Variants in CDH4 observed in about 807,000 individuals in gnomAD.
The protein encoded by CDH4 is cadherin-4.
Under a neutral mutation model 86.0 loss-of-function variants are expected in CDH4, and 33 were observed. The ratio of observed to expected loss-of-function variants is 0.38; its 90% CI spans 0.29 to 0.51. The LOEUF is 0.51. CDH4 is among the 20% of genes least tolerant of loss of function. The pLI is 0.86. For missense variants in CDH4, 1,114 were observed against 1,307.4 expected (o/e 0.85, Z 2.28); for synonymous variants, 555 against 549.4 (o/e 1.01, Z -0.14).
intron 2 of CDH4, among the ~76,000 whole-genome samples, chr20:61,550,296 C>T (rs2086120069): frequency 7.1e-6 from 1 of 141,368 alleles, no homozygotes; most frequent in Admixed American, 6.8e-5. Context: ...GCCTCCCTGC[C>T]CCAACCTCAC....
intron 2 of CDH4, among the ~76,000 whole-genome samples, chr20:61,408,861 C>A (rs542414137): frequency 1.3e-5 from 2 of 152,316 alleles, no homozygotes; most frequent in African/African-American, 4.8e-5. Flanking sequence ...CCCAGGCCCT[C>A]AGTGGTCTCC....
At chr20:61,498,247 A>T (rs1312047726) in intron 2 of CDH4, among the ~76,000 whole-genome samples, 1 of 152,118 alleles carries the variant, frequency 6.6e-6, no homozygotes, top group Non-Finnish European at 1.5e-5. Flanking sequence ...ACCAGATCGG[A>T]TGGGCAAATA....
intron 2 of CDH4, among the ~76,000 whole-genome samples, chr20:61,650,441 A>G (rs1600839603): frequency 6.6e-6 from 1 of 152,252 alleles, no homozygotes; most frequent in South Asian, 2.1e-4. Flanking sequence ...GTTCATATGC[A>G]TAAGATATAT....
At chr20:61,666,199 G>C (rs1321168517) in intron 2 of CDH4, among the ~76,000 whole-genome samples, 1 of 152,220 alleles carries the variant, frequency 6.6e-6, no homozygotes, top group African/African-American at 2.4e-5. Context: ...CTGCCAAAAA[G>C]TGGGGTGGCT....
chr20:61,290,952 G>A (rs1762644307), intron 2 of CDH4, among the ~76,000 whole-genome samples: 1 of 152,150 alleles, frequency 6.6e-6, no homozygotes, highest in South Asian at 2.1e-4. Flanking sequence ...TCCATCTCTT[G>A]GCTTGGCCTT....
intron 2 of CDH4, among the ~76,000 whole-genome samples, chr20:61,429,001 AT>A (rs1042857375): frequency 6.6e-6 from 1 of 152,132 alleles, no homozygotes; most frequent in Non-Finnish European, 1.5e-5. Context: ...ATCTAACTAT[AT>A]TGTATTAGTC....
intron 4 of CDH4, among the ~76,000 whole-genome samples, chr20:61,840,837 G>A (rs1459020655): frequency 6.6e-6 from 1 of 152,258 alleles, no homozygotes; most frequent in Non-Finnish European, 1.5e-5. Flanking sequence ...CAGAGCCCGT[G>A]GATGCACATC....
chr20:61,505,639 C>T (rs552973442), intron 2 of CDH4, among the ~76,000 whole-genome samples: 1 of 143,164 alleles, frequency 7.0e-6, no homozygotes, highest in Admixed American at 6.7e-5. Flanking sequence ...TGGTCATGGC[C>T]GTTTTTATTC....
At chr20:61,771,280 G>T (rs2088773412) in intron 3 of CDH4, among the ~76,000 whole-genome samples, 1 of 151,200 alleles carries the variant, frequency 6.6e-6, no homozygotes, top group South Asian at 2.1e-4. Flanking sequence ...AAAGTGCTGG[G>T]ATTACAGGCG....
At chr20:61,644,982 C>T (rs1015260076) in intron 2 of CDH4, among the ~76,000 whole-genome samples, 4 of 152,220 alleles carry the variant, frequency 2.6e-5, no homozygotes, top group South Asian at 2.1e-4. Context: ...CTGTGGGCGC[C>T]GGCTCTCTGT....
At chr20:61,275,153 T>C (rs1402984373) in intron 2 of CDH4, among the ~76,000 whole-genome samples, 1 of 98,834 alleles carries the variant, frequency 1.0e-5, no homozygotes, top group African/African-American at 4.1e-5. Flanking sequence ...TGGGGGAGTA[T>C]TGGAGTACCA....
At chr20:61,794,897 A>G (rs1979443590) in intron 4 of CDH4, among the ~76,000 whole-genome samples, 1 of 152,068 alleles carries the variant, frequency 6.6e-6, no homozygotes, top group African/African-American at 2.4e-5. Context: ...AGAACGTCAA[A>G]CTGGCCTAAT....
intron 2 of CDH4, among the ~76,000 whole-genome samples, chr20:61,602,741 C>T (rs1378287439): frequency 6.6e-6 from 1 of 150,920 alleles, no homozygotes; most frequent in African/African-American, 2.4e-5. Context: ...TCCTGTCTCC[C>T]AGGTGCTGTG....
intron 2 of CDH4, among the ~76,000 whole-genome samples, chr20:61,621,066 A>T (rs1047493908): frequency 6.6e-6 from 1 of 152,214 alleles, no homozygotes; most frequent in African/African-American, 2.4e-5. Flanking sequence ...TTCCAACCAC[A>T]CTGTTAATAT....
chr20:61,862,075 C>T (rs567793420), intron 6 of CDH4, among the ~76,000 whole-genome samples: 1 of 152,188 alleles, frequency 6.6e-6, no homozygotes, highest in Non-Finnish European at 1.5e-5. Flanking sequence ...AGGGCGCTGT[C>T]CCCCACGCTC....
intron 2 of CDH4, among the ~76,000 whole-genome samples, chr20:61,522,659 C>T (rs1269737834): frequency 6.6e-6 from 1 of 152,310 alleles, no homozygotes; most frequent in East Asian, 1.9e-4. Flanking sequence ...ACTGCACGCA[C>T]GGCGCAGTCC....
At chr20:61,439,280 A>G (rs28509784) in intron 2 of CDH4, among the ~76,000 whole-genome samples, 25,449 of 151,858 alleles carry the variant, frequency 0.17, 2,205 homozygotes, top group Non-Finnish European at 0.18. Flanking sequence ...TGCAGTGTGC[A>G]TTTCGGTTGT....
intron 2 of CDH4, among the ~76,000 whole-genome samples, chr20:61,643,456 A>T (rs943539162): frequency 6.6e-6 from 1 of 152,224 alleles, no homozygotes; most frequent in African/African-American, 2.4e-5. Flanking sequence ...TCTGGGGATT[A>T]GGGCAAGGCC....
At chr20:61,845,684 G>T (rs1600706804) in intron 5 of CDH4, among the ~76,000 whole-genome samples, 1 of 143,410 alleles carries the variant, frequency 7.0e-6, no homozygotes, top group East Asian at 2.0e-4. Flanking sequence ...TCATGGGGTT[G>T]TTCTGAGGAC....
Sources: gnomAD v4.1 joint callset for allele counts (sites outside exome capture counted in the v4.1 genomes callset) on GRCh38, gnomAD v4.1.1 for gene constraint, MANE v1.5 for transcripts, NCBI Gene and HGNC (gene_info 2026-07-23, HGNC 2026-07-21) for gene names.